The following SLC26A7 variants were observed in gnomAD, a reference collection of about 807,000 sequenced individuals.
The protein encoded by SLC26A7 is solute carrier family 26 member 7.
A neutral mutation model predicts 82.5 loss-of-function variants in SLC26A7; 59 were observed. The observed-to-expected ratio is 0.72, with a 90% CI of 0.58 to 0.89. SLC26A7 has a LOEUF of 0.89. Ranked by LOEUF, SLC26A7 falls within the 40% of genes least tolerant of loss-of-function variation. The pLI is 0.00. For synonymous variants in SLC26A7, 271 were observed against 274.3 expected, an observed-to-expected ratio of 0.99 and a Z score of 0.12; for missense variants, 820 against 793.0, an observed-to-expected ratio of 1.03 and a Z score of -0.41.
intron 15 of SLC26A7, among the ~76,000 whole-genome samples, chr8:91,388,140 T>G (rs1814848108): frequency 6.6e-6 from 1 of 151,998 alleles, no homozygotes; most frequent in Non-Finnish European, 1.5e-5. Flanking sequence ...AGGATTTTTG[T>G]TTTTTTTAGA....
intron 2 of SLC26A7, chr8:91,219,111 A>C (rs1458784531): frequency 2.2e-6 from 1 of 460,144 alleles, no homozygotes; most frequent in Admixed American, 4.2e-5. Context: ...CAACACATTA[A>C]ATAAAGGAAG....
chr8:91,297,321 A>G (rs578091144), intron 4 of SLC26A7, among the ~76,000 whole-genome samples: 4 of 151,954 alleles, frequency 2.6e-5, no homozygotes, highest in Non-Finnish European at 5.9e-5. Context: ...AGTTTGAAAC[A>G]ATCATCAGGT....
intron 6 of SLC26A7, among the ~76,000 whole-genome samples, chr8:91,337,771 G>T (rs755396588): frequency 6.6e-6 from 1 of 152,176 alleles, no homozygotes. Context: ...GAGAAAATGT[G>T]CTGTCTTACG....
intron 18 of SLC26A7, chr8:91,394,319 A>T: frequency 6.2e-7 from 1 of 1,610,094 alleles, no homozygotes; most frequent in South Asian, 1.1e-5. Context: ...TACTTGTACA[A>T]CAAATGCTTC....
intron 2 of SLC26A7, among the ~76,000 whole-genome samples, chr8:91,255,110 A>G (rs910770914): frequency 1.4e-4 from 21 of 152,112 alleles, no homozygotes; most frequent in Non-Finnish European, 2.8e-4. Context: ...ATGACTTGCC[A>G]TATAAGAACC....
intron 15 of SLC26A7, among the ~76,000 whole-genome samples, chr8:91,380,914 A>G (rs1169592323): frequency 6.6e-6 from 1 of 152,234 alleles, no homozygotes; most frequent in Non-Finnish European, 1.5e-5. Context: ...GCAGGTATGT[A>G]TAAATTGTGA....
intron 1 of SLC26A7, among the ~76,000 whole-genome samples, chr8:91,218,409 C>T (rs1810096095): frequency 6.6e-6 from 1 of 151,736 alleles, no homozygotes; most frequent in South Asian, 2.1e-4. Flanking sequence ...TGCCTGAGAC[C>T]CAGCCAGTGA....
At position 91,345,447 on chromosome 8, in the gene SLC26A7, G is replaced by A. The variant is rs145884490; in HGVS notation, c.1140+1981G>A. On this transcript the variant is annotated intron_variant, in intron 9 of 18. Coordinates refer to ENST00000276609, the MANE Select transcript of SLC26A7 (RefSeq NM_052832.4). ...GGCATAAGTAGACTTGCCTATTAAA[G>A]TAGAATTATTACAACAACTAAAGGA... Among the ~76,000 whole-genome samples, 44 of 152,254 alleles carry A rather than the reference G, an allele frequency of 2.9e-4. No individual in the cohort carries two copies. The East Asian group carries it at 8.3e-3, about 29-fold the overall frequency.
intron 2 of SLC26A7, among the ~76,000 whole-genome samples, chr8:91,269,919 G>A (rs1474877028): frequency 6.6e-6 from 1 of 151,506 alleles, no homozygotes; most frequent in African/African-American, 2.4e-5. Context: ...TTTATTTCAA[G>A]GATTTCTCTT....
rs931705292 is a variant in SLC26A7, at chr8:91,396,283, T to C, written c.*1186T>C. 1 of 152,074 alleles carries C rather than the reference T, an allele frequency of 6.6e-6. No homozygotes were observed. Among genetic ancestry groups the C allele is most frequent in the Non-Finnish European group, 1.5e-5 (1 of 67,918 alleles). The allele number at this position is 152,074 out of a possible 1,614,324, so 9.4% of individuals were successfully genotyped here. A position where few individuals can be genotyped will look rare whatever the true frequency, so the allele number is the denominator to read the frequency against. ...AAATTATCACCTTCAAAGATAGGCA[T>C]AGACACATAATTATGCTTAAGCTTT... On this transcript the variant is annotated 3_prime_UTR_variant, in exon 19 of 19. Transcript: ENST00000276609.
At chr8:91,318,841 G>A (rs1014205511) in intron 5 of SLC26A7, among the ~76,000 whole-genome samples, 2 of 152,094 alleles carry the variant, frequency 1.3e-5, no homozygotes, top group Non-Finnish European at 2.9e-5. Context: ...CTGAACCCAA[G>A]AAAGAGAGTA....
chr8:91,267,894 T>G (rs1007941900), intron 2 of SLC26A7, among the ~76,000 whole-genome samples: 13 of 151,886 alleles, frequency 8.6e-5, no homozygotes, highest in Non-Finnish European at 1.5e-4. Flanking sequence ...TGCTATAAAC[T>G]TCTCTCTTAG....
At chr8:91,282,349 C>T (rs923927719) in intron 2 of SLC26A7, among the ~76,000 whole-genome samples, 1 of 152,126 alleles carries the variant, frequency 6.6e-6, no homozygotes, top group Non-Finnish European at 1.5e-5. Flanking sequence ...TCTCTAGAGC[C>T]ACAGGATGGA....
intron 11 of SLC26A7, among the ~76,000 whole-genome samples, chr8:91,359,886 G>GTGTGTGTGTGCGCA (rs1196075254): frequency 8.4e-5 from 12 of 142,182 alleles, no homozygotes; most frequent in African/African-American, 3.2e-4. Context: ...ATGTGTGTGT[G>GTGTGTGTGTGCGCA]TGTGTGTGTG....
At chr8:91,317,316 G>T (rs1039741386) in intron 4 of SLC26A7, among the ~76,000 whole-genome samples, 2 of 152,168 alleles carry the variant, frequency 1.3e-5, no homozygotes, top group African/African-American at 4.8e-5. Flanking sequence ...GCTATGAAAA[G>T]TAAGGAATGT....
At chr8:91,226,034 C>A (rs1041420087) in intron 2 of SLC26A7, among the ~76,000 whole-genome samples, 1 of 152,168 alleles carries the variant, frequency 6.6e-6, no homozygotes, top group Non-Finnish European at 1.5e-5. Context: ...TTCTGTATTT[C>A]TCTCAAAACC....
At chr8:91,286,109 G>A (rs1227322290) in intron 2 of SLC26A7, among the ~76,000 whole-genome samples, 4 of 152,180 alleles carry the variant, frequency 2.6e-5, no homozygotes, top group African/African-American at 4.8e-5. Flanking sequence ...TAGGAGCAGA[G>A]CCAGAGATTG....
At chr8:91,286,543 T>G (rs911440438) in intron 2 of SLC26A7, among the ~76,000 whole-genome samples, 1 of 152,228 alleles carries the variant, frequency 6.6e-6, no homozygotes, top group African/African-American at 2.4e-5. Flanking sequence ...TCCTTGATAC[T>G]TTTGTTGTTG....
chr8:91,222,216 T>C (rs1244286585), intron 2 of SLC26A7, among the ~76,000 whole-genome samples: 4 of 152,204 alleles, frequency 2.6e-5, no homozygotes, highest in Admixed American at 6.6e-5. Flanking sequence ...TTTTGCACAT[T>C]GATTTTGTAT....
Sources: allele counts gnomAD v4.1 joint callset (sites outside exome capture counted in the v4.1 genomes callset), GRCh38; gene constraint gnomAD v4.1.1; transcripts MANE v1.5; gene names NCBI Gene and HGNC (gene_info 2026-07-23, HGNC 2026-07-21).